ADGRB3: variants seen among roughly 807,000 people sequenced by gnomAD.
ADGRB3 encodes the protein brain-specific angiogenesis inhibitor 3.
Under a neutral mutation model 193.4 loss-of-function variants are expected in ADGRB3, and 37 were observed. The observed-to-expected ratio is 0.19, with a 90% CI of 0.15 to 0.25. The LOEUF (loss-of-function observed/expected upper bound fraction) is 0.25. Ranked by LOEUF, ADGRB3 falls within the 10% of genes least tolerant of loss-of-function variation. The pLI is 1.00. For missense variants in ADGRB3, 1,637 were observed against 1,852.9 expected (o/e 0.88, Z 2.14); for synonymous variants, 690 against 644.2 (o/e 1.07, Z -1.08).
intron 10 of ADGRB3, among the ~76,000 whole-genome samples, chr6:68,992,808 T>C (rs991032805): frequency 6.6e-6 from 1 of 152,196 alleles, no homozygotes. Context: ...CTTTAAAAGA[T>C]TTGTTGGCAC....
At chr6:68,840,875 T>A (rs929837714) in intron 3 of ADGRB3, among the ~76,000 whole-genome samples, 1 of 152,050 alleles carries the variant, frequency 6.6e-6, no homozygotes, top group Non-Finnish European at 1.5e-5. Context: ...ACACCTGTAA[T>A]TAAACACATA....
intron 28 of ADGRB3, 108 bp from the exon 29 acceptor site, chr6:69,360,761 C>G (rs1769432434): frequency 1.7e-6 from 2 of 1,152,328 alleles, no homozygotes; most frequent in East Asian, 5.2e-5. Context: ...ACATACCTAC[C>G]AAATAATATA....
chr6:68,774,049 G>T (rs190487648), intron 3 of ADGRB3, among the ~76,000 whole-genome samples: 2 of 152,066 alleles, frequency 1.3e-5, no homozygotes, highest in Non-Finnish European at 2.9e-5. Flanking sequence ...AAAATTACAT[G>T]CAATGTATTT....
intron 3 of ADGRB3, among the ~76,000 whole-genome samples, chr6:68,895,908 A>C (rs1766206282): frequency 6.6e-6 from 1 of 152,060 alleles, no homozygotes; most frequent in Non-Finnish European, 1.5e-5. Flanking sequence ...TAAAAACAAA[A>C]TTTATGATTA....
At chr6:69,381,591 G>T (rs898074502) in intron 30 of ADGRB3, among the ~76,000 whole-genome samples, 1 of 151,924 alleles carries the variant, frequency 6.6e-6, no homozygotes, top group Non-Finnish European at 1.5e-5. Flanking sequence ...ATGTGTTAAA[G>T]ATTCAGTTGT....
chr6:68,781,415 T>A (rs1766849841), intron 3 of ADGRB3, among the ~76,000 whole-genome samples: 1 of 152,092 alleles, frequency 6.6e-6, no homozygotes, highest in African/African-American at 2.4e-5. Flanking sequence ...AAAAAAGTAT[T>A]TGTGTAATAA....
At chr6:69,291,891 C>T (rs1420836097) in intron 20 of ADGRB3, among the ~76,000 whole-genome samples, 3 of 152,112 alleles carry the variant, frequency 2.0e-5, no homozygotes, top group Non-Finnish European at 4.4e-5. Context: ...TGACCTTGCC[C>T]TGAAACAAGT....
intron 20 of ADGRB3, among the ~76,000 whole-genome samples, chr6:69,310,233 A>G (rs2127300006): frequency 6.6e-6 from 1 of 151,820 alleles, no homozygotes; most frequent in Middle Eastern, 3.4e-3. Context: ...AAATTTAAAT[A>G]TGATAAGACG....
At chr6:69,223,613 G>T (rs1292599754) in intron 17 of ADGRB3, among the ~76,000 whole-genome samples, 1 of 145,282 alleles carries the variant, frequency 6.9e-6, no homozygotes, top group Non-Finnish European at 1.5e-5. Context: ...TGTTAGTTTG[G>T]TATTATTTTA....
At chr6:68,862,770 C>A (rs1160373087) in intron 3 of ADGRB3, among the ~76,000 whole-genome samples, 1 of 152,118 alleles carries the variant, frequency 6.6e-6, no homozygotes, top group African/African-American at 2.4e-5. Flanking sequence ...ACTTTTACTT[C>A]TTTTGGATGA....
chr6:69,215,035 T>C (rs1333949657), intron 17 of ADGRB3, among the ~76,000 whole-genome samples: 3 of 151,940 alleles, frequency 2.0e-5, no homozygotes, highest in Non-Finnish European at 4.4e-5. Flanking sequence ...TGAGGGACAT[T>C]CCACAAAATA....
intron 3 of ADGRB3, among the ~76,000 whole-genome samples, chr6:68,646,217 C>T (rs1412669790): frequency 1.3e-5 from 2 of 151,964 alleles, no homozygotes; most frequent in Admixed American, 1.3e-4. Context: ...TGGTTCATGC[C>T]TGTAATCCCA....
At chr6:69,083,373 T>C (rs373004045) in intron 17 of ADGRB3, among the ~76,000 whole-genome samples, 24 of 152,330 alleles carry the variant, frequency 1.6e-4, no homozygotes, top group African/African-American at 5.5e-4. Context: ...TTGCAACTAG[T>C]TATCAGTAAT....
chr6:68,692,563 C>G (rs894897021), intron 3 of ADGRB3, among the ~76,000 whole-genome samples: 2 of 151,570 alleles, frequency 1.3e-5, no homozygotes, highest in Admixed American at 1.3e-4. Flanking sequence ...GAAAATATAC[C>G]AGGGGTTACT....
At chr6:68,711,617 T>C (rs1221661841) in intron 3 of ADGRB3, among the ~76,000 whole-genome samples, 1 of 152,108 alleles carries the variant, frequency 6.6e-6, no homozygotes. Flanking sequence ...AAGAATCAGC[T>C]AGCCCAACAA....
At chr6:69,299,512 C>T (rs1045368842) in intron 20 of ADGRB3, among the ~76,000 whole-genome samples, 1 of 151,660 alleles carries the variant, frequency 6.6e-6, no homozygotes, top group African/African-American at 2.4e-5. Flanking sequence ...TCTATAGTTT[C>T]GGGTATTACA....
At chr6:68,668,392 G>C (rs566731274) in intron 3 of ADGRB3, among the ~76,000 whole-genome samples, 2 of 152,030 alleles carry the variant, frequency 1.3e-5, no homozygotes, top group Non-Finnish European at 2.9e-5. Flanking sequence ...ATTCATATTA[G>C]GAAGCTATAA....
intron 3 of ADGRB3, among the ~76,000 whole-genome samples, chr6:68,768,248 A>T (rs1030077988): frequency 3.9e-5 from 6 of 152,186 alleles, no homozygotes; most frequent in Admixed American, 1.3e-4. Context: ...TCCTAGACAA[A>T]AAGAACAAAT....
At chr6:68,854,690 G>C (rs752861138) in intron 3 of ADGRB3, among the ~76,000 whole-genome samples, 4 of 152,090 alleles carry the variant, frequency 2.6e-5, no homozygotes, top group Admixed American at 6.6e-5. Context: ...TACAGATTTA[G>C]TGTCTGAACT....
Sources: allele counts gnomAD v4.1 joint callset (sites outside exome capture counted in the v4.1 genomes callset), GRCh38; gene constraint gnomAD v4.1.1; transcripts MANE v1.5; gene names NCBI Gene and HGNC (gene_info 2026-07-23, HGNC 2026-07-21).